WSCD1: variants seen among roughly 807,000 people sequenced by gnomAD.
The protein encoded by WSCD1 is WSC domain sialate O sulfotransferase 1.
A neutral mutation model predicts 60.4 loss-of-function variants in WSCD1; 41 were observed. That is an observed-to-expected ratio of 0.68 (90% confidence interval 0.53 to 0.88). WSCD1 has a LOEUF of 0.88. Ranked by LOEUF, WSCD1 falls within the 40% of genes least tolerant of loss-of-function variation. The pLI is 0.00. For synonymous variants in WSCD1, 361 were observed against 332.5 expected, an observed-to-expected ratio of 1.09 and a Z score of -0.93; for missense variants, 784 against 796.2, an observed-to-expected ratio of 0.98 and a Z score of 0.18.
Position 6,123,940 on chromosome 17 carries a change from G to A in WSCD1, c.*3279G>A, listed in dbSNP as rs771487682. The A allele has an allele frequency of 6.6e-6, 1 of 152,210 alleles. No homozygotes were observed. Among genetic ancestry groups the A allele is most frequent in the South Asian group, 2.1e-4 (1 of 4,834 alleles). 9.4% of individuals were successfully genotyped at this position (152,210 alleles called of 1,614,324 possible). A position where few individuals can be genotyped will look rare whatever the true frequency, so the allele number is the denominator to read the frequency against. ...ATCCATAAAATGGGGGAAGTGGTAG[G>A]TCTTGCTGATTGCATCCACATTCAT... On this transcript the variant is annotated 3_prime_UTR_variant, in exon 9 of 9. Transcript: ENST00000317744.
chr17:6,119,854 C>G lies in WSCD1; in HGVS notation c.1376-455C>G, dbSNP rs560885480. On this transcript the variant is annotated intron_variant, in intron 8 of 8. Coordinates refer to ENST00000317744, the MANE Select transcript of WSCD1 (RefSeq NM_015253.2). ...TGGGATGATTTCTGATATCTGGACC[C>G]TGCACACCCCTCCCCCAAAATTAAT... is the stretch of plus-strand genomic sequence containing the variant. 6.7e-4 allele frequency among the ~76,000 whole-genome samples: 102 copies of G among 152,278 alleles called. No homozygotes were observed. The Middle Eastern group carries it at 0.014, about 20-fold the overall frequency.
In WSCD1 at chr17:6,080,464, A is replaced by G. The variant is rs984292362; in HGVS notation, c.-195A>G. The G allele has an allele frequency of 8.4e-6, 5 of 597,722 alleles. No individual in the cohort carries two copies. In the South Asian group the frequency reaches 1.1e-4, roughly 13 times the overall value. 37.0% of individuals were successfully genotyped at this position (597,722 alleles called of 1,614,324 possible). A position where few individuals can be genotyped will look rare whatever the true frequency, so the allele number is the denominator to read the frequency against. On this transcript the variant is annotated 5_prime_UTR_variant, in exon 2 of 9. Transcript: ENST00000317744. The surrounding 1 kb of genome is among the most constrained non-coding windows in gnomAD (Gnocchi z 6.6). ...GCTGCAGCTGCAGGACCCTGTGGCC[A>G]CTGGAGATAAGTAATGGTGCCATTT... is the stretch of plus-strand genomic sequence containing the variant.
Position 6,120,395 on chromosome 17 carries a change from G to T in WSCD1, c.1462G>T (p.Val488Leu), listed in dbSNP as rs757424884. 2 of 1,614,084 alleles carry T rather than the reference G, an allele frequency of 1.2e-6. No individual in the cohort carries two copies. Among genetic ancestry groups the T allele is most frequent in the Non-Finnish European group, 1.7e-6 (2 of 1,180,038 alleles). The change falls in exon 9 of 9, where the codon GTG (valine) becomes TTG (leucine). Residue 488 changes from valine to leucine, a missense_variant. Val to Leu is a conservative substitution (Grantham distance 32, BLOSUM62 1). Coordinates refer to ENST00000317744, the MANE Select transcript of WSCD1 (RefSeq NM_015253.2). Reference protein sequence around the residue: ...WLKYGKRLLVVHYEELRRSLV... With the variant: ...WLKYGKRLLVLHYEELRRSLV... ...CAAGTACGGGAAGCGGCTGCTGGTG[G>T]TGCACTACGAGGAGCTGCGGCGCAG...
intron 8 of WSCD1, among the ~76,000 whole-genome samples, chr17:6,119,386 A>G (rs1033920524): frequency 2.0e-5 from 3 of 152,236 alleles, no homozygotes; most frequent in Non-Finnish European, 2.9e-5. Context: ...CGAGGCATGC[A>G]CAGCTGAGCC....
rs996010067 is a variant in WSCD1, at chr17:6,088,209, T to C, written c.542+105T>C. On this transcript the variant is annotated intron_variant, in intron 3 of 8. Transcript: ENST00000317744. The stretch of plus-strand genomic sequence containing the variant: ...CTACCAGTTGGCTGTCATAGCATAA[T>C]TGGAACTCACTGCTCAGATCCCAGT... The C allele has an allele frequency of 4.8e-5, 46 of 962,974 alleles. No homozygotes were observed. The African/African-American group carries it at 6.6e-4, about 14-fold the overall frequency. 59.7% of individuals were successfully genotyped at this position (962,974 alleles called of 1,614,324 possible). A position where few individuals can be genotyped will look rare whatever the true frequency, so the allele number is the denominator to read the frequency against.
intron 5 of WSCD1, 53 bp from the exon 6 acceptor site, chr17:6,109,554 G>T: frequency 6.3e-7 from 1 of 1,590,756 alleles, no homozygotes; most frequent in Admixed American, 1.7e-5. Flanking sequence ...GCCCTGGGAA[G>T]CATGACCCTC....
Position 6,078,253 on chromosome 17 carries a change from T to C in WSCD1, c.-288-2118T>C, listed in dbSNP as rs1432415004. On this transcript the variant is annotated intron_variant, in intron 1 of 8. Coordinates refer to ENST00000317744, the MANE Select transcript of WSCD1 (RefSeq NM_015253.2). ...CTGGGGCTGGGGTTAGGAAAATGAA[T>C]GAGGCATGGCCTCTACCCCTAAGGA... Among the ~76,000 whole-genome samples, 5 of 152,368 alleles carry C rather than the reference T, an allele frequency of 3.3e-5. No homozygotes were observed. In the South Asian group the frequency reaches 6.2e-4, roughly 19 times the overall value.
At chr17:6,109,252 A>G (rs779154714) in intron 5 of WSCD1, among the ~76,000 whole-genome samples, 31 of 152,068 alleles carry the variant, frequency 2.0e-4, no homozygotes, top group Admixed American at 3.3e-4. Flanking sequence ...CTCCTGACAA[A>G]TGCCTTGGAA....
chr17:6,069,975 A>C (rs923019970), upstream of WSCD1, among the ~76,000 whole-genome samples: 14 of 149,972 alleles, frequency 9.3e-5, no homozygotes, highest in African/African-American at 3.4e-4. Context: ...GTGATTCGGG[A>C]TGTGTGTGTC....
chr17:6,100,549 T>C (rs1910739585), intron 5 of WSCD1, among the ~76,000 whole-genome samples: 1 of 152,230 alleles, frequency 6.6e-6, no homozygotes, highest in African/African-American at 2.4e-5. Context: ...GCCCCTCAGC[T>C]CTGAGCTCTG....
Position 6,078,575 on chromosome 17 carries a change from T to C in WSCD1, c.-288-1796T>C, listed in dbSNP as rs1909017824. Among the ~76,000 whole-genome samples, 7 of 151,934 alleles carry C rather than the reference T, an allele frequency of 4.6e-5. No homozygotes were observed. In the South Asian group the frequency reaches 1.3e-3, roughly 27 times the overall value. ...GGAATGTGGAGGGTGTGTGTGTGTG[T>C]GTGTGCGTGTGTGTGCGTGCATGCA... On this transcript the variant is annotated intron_variant, in intron 1 of 8. Coordinates refer to ENST00000317744, the MANE Select transcript of WSCD1 (RefSeq NM_015253.2).
chr17:6,093,919 C>G (rs1053944352), intron 4 of WSCD1, among the ~76,000 whole-genome samples: 1 of 152,176 alleles, frequency 6.6e-6, no homozygotes, highest in Non-Finnish European at 1.5e-5. Flanking sequence ...CCTAATAGGT[C>G]GTGCCCTGAC....
At chr17:6,119,641 C>T (rs6502910) in intron 8 of WSCD1, among the ~76,000 whole-genome samples, 76,575 of 151,870 alleles carry the variant, frequency 0.5, 20,401 homozygotes, top group East Asian at 0.9. Context: ...TGATCTCTGA[C>T]GCCTCCTCTG....
chr17:6,083,917 A>G (rs1909449853), intron 2 of WSCD1, among the ~76,000 whole-genome samples: 1 of 152,212 alleles, frequency 6.6e-6, no homozygotes, highest in South Asian at 2.1e-4. Context: ...AATGACTTAC[A>G]GAAGTGATGG....
chr17:6,072,928 C>A (rs1443395864), intron 1 of WSCD1, among the ~76,000 whole-genome samples: 1 of 152,212 alleles, frequency 6.6e-6, no homozygotes, highest in African/African-American at 2.4e-5. Flanking sequence ...GGGCTGGATT[C>A]ATTTCATCAG....
chr17:6,107,169 CTCT>C (rs1273765071), intron 5 of WSCD1, among the ~76,000 whole-genome samples: 4 of 152,288 alleles, frequency 2.6e-5, no homozygotes, highest in East Asian at 3.9e-4. Context: ...TCCTAACCTC[CTCT>C]TCTTGTAAGG....
At chr17:6,095,971 C>T (rs1334846923) in intron 5 of WSCD1, among the ~76,000 whole-genome samples, 1 of 152,110 alleles carries the variant, frequency 6.6e-6, no homozygotes, top group Non-Finnish European at 1.5e-5. Flanking sequence ...GCTGTACCCT[C>T]AATGTGGCTT....
intron 4 of WSCD1, among the ~76,000 whole-genome samples, chr17:6,090,789 T>C (rs528097289): frequency 8.5e-5 from 13 of 152,312 alleles, no homozygotes; most frequent in African/African-American, 3.1e-4. Context: ...AGACATGCTG[T>C]GTGGCCTCCG....
chr17:6,113,294 T>C (rs1309673020), intron 7 of WSCD1, among the ~76,000 whole-genome samples: 2 of 152,166 alleles, frequency 1.3e-5, no homozygotes, highest in Non-Finnish European at 2.9e-5. Flanking sequence ...TGGATAACCA[T>C]ATGCAGAAGA....
Sources: gnomAD v4.1 joint callset for allele counts (sites outside exome capture counted in the v4.1 genomes callset) on GRCh38, gnomAD v4.1.1 for gene constraint, Gnocchi (gnomAD v3.1) non-coding constraint, MANE v1.5 for transcripts, NCBI Gene and HGNC (gene_info 2026-07-23, HGNC 2026-07-21) for gene names.